The following TMEM232 variants were observed in gnomAD, a reference collection of about 807,000 sequenced individuals.
TMEM232 encodes transmembrane protein 232.
A neutral mutation model predicts 78.8 loss-of-function variants in TMEM232; 80 were observed. The ratio of observed to expected loss-of-function variants is 1.01; its 90% confidence interval spans 0.85 to 1.22. The LOEUF is 1.22. Among genes scored for constraint, TMEM232 ranks in the 50% most tolerant of loss-of-function variants. The pLI is 0.00. For missense variants in TMEM232, 881 were observed against 742.2 expected (o/e 1.19, Z -2.17); for synonymous variants, 297 against 254.3 (o/e 1.17, Z -1.60).
intron 12 of TMEM232, 69 bp from the exon 13 acceptor site, chr5:110,424,985 T>C: frequency 9.4e-7 from 1 of 1,061,304 alleles, no homozygotes; most frequent in East Asian, 2.7e-5. Flanking sequence ...AATAGAATTG[T>C]AACTAAGCCA....
intron 12 of TMEM232, among the ~76,000 whole-genome samples, chr5:110,431,939 C>A (rs1455728022): frequency 1.3e-5 from 2 of 151,536 alleles, no homozygotes; most frequent in Non-Finnish European, 3.0e-5. Flanking sequence ...AGAAATGAAT[C>A]AAATATTTAC....
In TMEM232 at chr5:110,513,832, T is replaced by C. The variant is rs530072850; in HGVS notation, c.1703+14756A>G. 6 of 168,144 alleles carry C rather than the reference T, an allele frequency of 3.6e-5. No individual in the cohort carries two copies. In the South Asian group the frequency reaches 1.2e-3, roughly 35 times the overall value. The allele number at this position is 168,144 out of a possible 1,614,324, so 10.4% of individuals were successfully genotyped here. A position where few individuals can be genotyped will look rare whatever the true frequency, so the allele number is the denominator to read the frequency against. ...ACTACCATATGATACGGCAATTGTA[T>C]TAGGTTGGTGCAAAAGTAATTACAG... On this transcript the variant is annotated intron_variant, in intron 12 of 13. Coordinates refer to ENST00000455884, the MANE Select transcript of TMEM232 (RefSeq NM_001039763.4).
rs140293185 is a variant in TMEM232 at position 110,487,077 on chromosome 5, A to G, written c.1703+41511T>C. Among the ~76,000 whole-genome samples the G allele has an allele frequency of 9.9e-3, 1,496 of 151,842 alleles. 34 individuals are homozygous for G. Among genetic ancestry groups the G allele is most frequent in the African/African-American group, 0.034 (1,399 of 41,422 alleles). On this transcript the variant is annotated intron_variant, in intron 12 of 13. Transcript: ENST00000455884. Reference sequence around the variant, plus strand: ...AGAATTTTTTTTTTGTAGCTATTGTAAAGAAGACTGAGTTCTTGATTTGAT... The same window carrying G: ...AGAATTTTTTTTTTGTAGCTATTGTGAAGAAGACTGAGTTCTTGATTTGAT...
intron 8 of TMEM232, chr5:110,617,997 T>A (rs1171547719): frequency 5.7e-6 from 1 of 174,174 alleles, no homozygotes; most frequent in South Asian, 1.3e-4. Context: ...GGTGACAGAG[T>A]GAGACCAAAA....
chr5:110,697,695 A>T (rs972035863), intron 1 of TMEM232, among the ~76,000 whole-genome samples: 7 of 152,260 alleles, frequency 4.6e-5, no homozygotes, highest in Admixed American at 3.9e-4. Flanking sequence ...ACACATAAAA[A>T]AATGCTCATC....
At chr5:110,434,617 C>T (rs866386348) in intron 12 of TMEM232, among the ~76,000 whole-genome samples, 2 of 151,250 alleles carry the variant, frequency 1.3e-5, no homozygotes, top group Non-Finnish European at 3.0e-5. Context: ...TATAATACTA[C>T]TATCATCCTG....
chr5:110,722,004 A>C (rs1797694313), intron 1 of TMEM232, among the ~76,000 whole-genome samples: 1 of 151,948 alleles, frequency 6.6e-6, no homozygotes, highest in South Asian at 2.1e-4. Context: ...CCAAACCATT[A>C]GAGTGCTGAA....
At chr5:110,736,593 C>T (rs974329944) in intron 1 of TMEM232, among the ~76,000 whole-genome samples, 4 of 152,028 alleles carry the variant, frequency 2.6e-5, no homozygotes, top group Non-Finnish European at 4.4e-5. Flanking sequence ...AACATCTTCA[C>T]TCTAAACCCT....
At chr5:110,578,147 T>C (rs1206758833) in intron 10 of TMEM232, among the ~76,000 whole-genome samples, 2 of 152,122 alleles carry the variant, frequency 1.3e-5, no homozygotes, top group African/African-American at 4.8e-5. Flanking sequence ...TGATTCTCTT[T>C]TCAATAATAA....
chr5:110,579,350 G>C (rs1002067707), intron 10 of TMEM232, among the ~76,000 whole-genome samples: 1 of 150,846 alleles, frequency 6.6e-6, no homozygotes, highest in African/African-American at 2.4e-5. Context: ...ATCCTAAAGG[G>C]AGTTCTTCAA....
intron 12 of TMEM232, among the ~76,000 whole-genome samples, chr5:110,524,392 AAAGAAAGAAAG>A (rs1222500895): frequency 1.3e-5 from 1 of 74,798 alleles, no homozygotes; most frequent in Non-Finnish European, 2.6e-5. Flanking sequence ...AGAAAGAAAG[AAAGAAAGAAAG>A]AAAGAAAGAA....
At chr5:110,488,843 C>T (rs1764734165) in intron 12 of TMEM232, among the ~76,000 whole-genome samples, 1 of 151,710 alleles carries the variant, frequency 6.6e-6, no homozygotes. Flanking sequence ...ATAGAAGTTT[C>T]AAAATTTTTA....
chr5:110,626,097 T>C (rs1250489622), intron 6 of TMEM232, among the ~76,000 whole-genome samples: 2 of 151,948 alleles, frequency 1.3e-5, no homozygotes, highest in African/African-American at 2.4e-5. Flanking sequence ...AAACAGCCTA[T>C]TGTTAAAGGT....
At chr5:110,730,325 A>G (rs1245884157), upstream of TMEM232, among the ~76,000 whole-genome samples, 1 of 152,258 alleles carries the variant, frequency 6.6e-6, no homozygotes, top group Non-Finnish European at 1.5e-5. Flanking sequence ...AATATTTATC[A>G]GTTTGAACTG....
intron 11 of TMEM232, among the ~76,000 whole-genome samples, chr5:110,531,569 C>A (rs902877524): frequency 2.3e-4 from 35 of 152,184 alleles, no homozygotes. Flanking sequence ...CAATCTCTCC[C>A]TTCTCTTAAT....
upstream of TMEM232, among the ~76,000 whole-genome samples, chr5:110,731,147 C>T (rs190964925): frequency 9.0e-4 from 137 of 152,308 alleles, no homozygotes; most frequent in Middle Eastern, 0.01. Context: ...TTTTAAAGCT[C>T]CAAAATGATC....
intron 2 of TMEM232, among the ~76,000 whole-genome samples, chr5:110,650,660 T>G (rs1788177041): frequency 6.6e-6 from 1 of 152,066 alleles, no homozygotes; most frequent in African/African-American, 2.4e-5. Context: ...TCTTCAAAAT[T>G]GTCATGGTCA....
At chr5:110,453,812 T>G (rs1760578877) in intron 12 of TMEM232, among the ~76,000 whole-genome samples, 1 of 151,340 alleles carries the variant, frequency 6.6e-6, no homozygotes, top group Non-Finnish European at 1.5e-5. Flanking sequence ...TAAGGTTCAG[T>G]TTTAATTCCA....
chr5:110,663,213 A>G (rs1790044950), intron 2 of TMEM232, among the ~76,000 whole-genome samples: 1 of 152,122 alleles, frequency 6.6e-6, no homozygotes, highest in Non-Finnish European at 1.5e-5. Context: ...AAGCAATAAA[A>G]ATGATATAGC....
Sources: allele counts gnomAD v4.1 joint callset (sites outside exome capture counted in the v4.1 genomes callset), GRCh38; gene constraint gnomAD v4.1.1; transcripts MANE v1.5; gene names NCBI Gene and HGNC (gene_info 2026-07-23, HGNC 2026-07-21).